Variants in GXYLT2 observed in about 807,000 individuals in gnomAD.
The protein encoded by GXYLT2 is glycosyltransferase 8 domain containing 4.
In GXYLT2, 53 loss-of-function variants were observed where a neutral mutation model predicts 45.8. The ratio of observed to expected loss-of-function variants is 1.16; its 90% CI spans 0.93 to 1.46. GXYLT2 has a LOEUF of 1.46. Among genes scored for constraint, GXYLT2 ranks in the 40% most tolerant of loss-of-function variants. The probability of loss-of-function intolerance (pLI) is 0.00; values close to 1 mark genes in which losing one functional copy is unlikely to be tolerated. For missense variants in GXYLT2, 551 were observed against 544.4 expected (o/e 1.01, Z -0.12); for synonymous variants, 219 against 214.2 (o/e 1.02, Z -0.19).
chr3:72,928,280 G>T (rs1327986913), intron 3 of GXYLT2, among the ~76,000 whole-genome samples: 2 of 152,206 alleles, frequency 1.3e-5, no homozygotes, highest in Non-Finnish European at 2.9e-5. Flanking sequence ...CTAGGCAAAT[G>T]AAGGAACATT....
At chr3:72,948,835 CAAAAAAAAAAAA>C (rs1234193329) in intron 3 of GXYLT2, among the ~76,000 whole-genome samples, 1 of 74,970 alleles carries the variant, frequency 1.3e-5, no homozygotes, top group Non-Finnish European at 3.0e-5. Flanking sequence ...GATTCTGTCT[CAAAAAAAAAAAA>C]AAAAAAAAAT....
intron 1 of GXYLT2, among the ~76,000 whole-genome samples, chr3:72,905,064 CAAAAAAAAAAAAA>C (rs1177216917): frequency 2.8e-5 from 1 of 36,244 alleles, no homozygotes; most frequent in Non-Finnish European, 6.8e-5. Flanking sequence ...GATTCTGTCT[CAAAAAAAAAAAAA>C]AAAAAAAAAA....
rs78777333 is a variant in GXYLT2 at position 72,956,125 on chromosome 3, G to T, written c.852+776G>T. Among the ~76,000 whole-genome samples the T allele has an allele frequency of 4.7e-3, 720 of 152,186 alleles. 6 individuals are homozygous for T. The highest frequency in any genetic ancestry group is 0.017 in the African/African-American group (691 of 41,536). On this transcript the variant is annotated intron_variant, in intron 4 of 6. Coordinates refer to ENST00000389617, the MANE Select transcript of GXYLT2 (RefSeq NM_001080393.2). ...AATTAATGGGGCATGGTGTCACGTG[G>T]CTGTAGTCTCAGCTACTTGGGAGGC...
rs200238382 is a variant in GXYLT2 at position 72,908,419 on chromosome 3, A to C, written c.328A>C (p.Ile110Leu). The change falls in exon 2 of 7, where the codon ATC becomes CTC. Residue 110 changes from isoleucine to leucine, a missense_variant. Ile to Leu is a conservative substitution (Grantham distance 5, BLOSUM62 2). Coordinates refer to ENST00000389617, the MANE Select transcript of GXYLT2 (RefSeq NM_001080393.2). ...AGCTGTGCTGCCACCCGAGCTCTGG[A>C]TCCACCTGGCTGTGGTGGCCTGTGG... is the stretch of plus-strand genomic sequence containing the variant. ...FQAVLPPELW[I>L]HLAVVACGNR... 2.8e-4 allele frequency: 453 copies of C among 1,613,710 alleles called. No individual in the cohort carries two copies. Among genetic ancestry groups the C allele is most frequent in the Non-Finnish European group, 3.0e-4 (353 of 1,179,856 alleles).
intron 6 of GXYLT2, among the ~76,000 whole-genome samples, chr3:72,971,282 T>C (rs916517448): frequency 2.6e-5 from 4 of 152,216 alleles, no homozygotes; most frequent in African/African-American, 2.4e-5. Context: ...TTTTCCTCAG[T>C]TGGGCCTGAA....
chr3:72,946,722 C>G (rs937936524), intron 3 of GXYLT2, among the ~76,000 whole-genome samples: 1 of 152,158 alleles, frequency 6.6e-6, no homozygotes, highest in South Asian at 2.1e-4. Context: ...AATACCATCA[C>G]CTTGTGGGTT....
chr3:72,913,204 AT>A (rs1024388334), intron 2 of GXYLT2, among the ~76,000 whole-genome samples: 2 of 149,960 alleles, frequency 1.3e-5, no homozygotes, highest in African/African-American at 4.9e-5. Context: ...CGCCCGGCTA[AT>A]TTTTTTGTAT....
At chr3:72,954,716 A>G (rs1710600751) in intron 3 of GXYLT2, among the ~76,000 whole-genome samples, 1 of 152,054 alleles carries the variant, frequency 6.6e-6, no homozygotes. Flanking sequence ...GCCACACTGG[A>G]TGTTCCAAGG....
rs1423686279 is a variant in GXYLT2, at chr3:72,976,021, T to G, written c.*862T>G. ...ATCTCGGCTCACTGCAGCTTCCACCTCCTGGGTTCAAGTGATTCTCATGCC... is the reference window on the plus strand; with the variant it reads ...ATCTCGGCTCACTGCAGCTTCCACCGCCTGGGTTCAAGTGATTCTCATGCC... On this transcript the variant is annotated 3_prime_UTR_variant, in exon 7 of 7. Coordinates refer to ENST00000389617, the MANE Select transcript of GXYLT2 (RefSeq NM_001080393.2). 6.8e-6 allele frequency: 1 copy of G among 146,496 alleles called. No homozygotes were observed. The highest frequency in any genetic ancestry group is 2.2e-4 in the East Asian group (1 of 4,620). The allele number at this position is 146,496 out of a possible 1,614,324, so 9.1% of individuals were successfully genotyped here. A position where few individuals can be genotyped will look rare whatever the true frequency, so the allele number is the denominator to read the frequency against.
intron 2 of GXYLT2, 24 bp from the exon 3 acceptor site, chr3:72,922,180 T>A: frequency 1.2e-6 from 2 of 1,609,558 alleles, no homozygotes; most frequent in Non-Finnish European, 1.7e-6. Flanking sequence ...TAATCACCCT[T>A]CCCTTGCTTC....
intron 3 of GXYLT2, among the ~76,000 whole-genome samples, chr3:72,930,180 A>G (rs942553578): frequency 1.3e-5 from 2 of 151,744 alleles, no homozygotes; most frequent in Non-Finnish European, 2.9e-5. Context: ...AAAACAAAAA[A>G]AAAAACAGAG....
chr3:72,910,812 C>G (rs183505193), intron 2 of GXYLT2, among the ~76,000 whole-genome samples: 3 of 152,292 alleles, frequency 2.0e-5, no homozygotes, highest in Admixed American at 2.0e-4. Context: ...TAGTCACAAG[C>G]CCATCCAACT....
At chr3:72,913,962 C>CT (rs1253093178) in intron 2 of GXYLT2, among the ~76,000 whole-genome samples, 4 of 152,040 alleles carry the variant, frequency 2.6e-5, no homozygotes, top group African/African-American at 9.7e-5. Context: ...ATTTTGGGCA[C>CT]TTTGTTAGGT....
intron 6 of GXYLT2, among the ~76,000 whole-genome samples, 198 bp downstream of exon 6, chr3:72,967,917 C>CAA (rs1710898540): frequency 1.3e-5 from 2 of 152,174 alleles, no homozygotes; most frequent in Admixed American, 1.3e-4. Flanking sequence ...CTTATTTCCA[C>CAA]GTACACCATT....
chr3:72,916,685 G>A (rs1010421026), intron 2 of GXYLT2, among the ~76,000 whole-genome samples: 1 of 151,794 alleles, frequency 6.6e-6, no homozygotes, highest in Admixed American at 6.6e-5. Flanking sequence ...GATTACAGTC[G>A]TGCACTACCA....
intron 1 of GXYLT2, among the ~76,000 whole-genome samples, chr3:72,904,889 A>AT (rs1271057089): frequency 4.3e-5 from 3 of 69,468 alleles, no homozygotes; most frequent in Non-Finnish European, 1.3e-4. Flanking sequence ...AAAAAAAAAA[A>AT]AAAAAAAAAT....
At chr3:72,968,212 G>A (rs1221406270) in intron 6 of GXYLT2, among the ~76,000 whole-genome samples, 29 of 152,086 alleles carry the variant, frequency 1.9e-4, no homozygotes, top group Admixed American at 1.9e-3. Context: ...GACCTCAAGT[G>A]ATCCACTTGC....
chr3:72,912,072 A>G (rs983669906), intron 2 of GXYLT2, among the ~76,000 whole-genome samples: 7 of 144,246 alleles, frequency 4.9e-5, no homozygotes, highest in Non-Finnish European at 7.4e-5. Context: ...GTGCAGTGGC[A>G]TGATCTTAGC....
intron 3 of GXYLT2, among the ~76,000 whole-genome samples, chr3:72,931,136 T>C (rs552747376): frequency 1.8e-4 from 28 of 152,126 alleles, no homozygotes; most frequent in Non-Finnish European, 2.5e-4. Flanking sequence ...CTGACCACAG[T>C]GGAATGGAAT....
Sources: gnomAD v4.1 joint callset for allele counts (sites outside exome capture counted in the v4.1 genomes callset) on GRCh38, gnomAD v4.1.1 for gene constraint, MANE v1.5 for transcripts, NCBI Gene and HGNC (gene_info 2026-07-23, HGNC 2026-07-21) for gene names.